Variants in KCNB2 observed in about 807,000 individuals in gnomAD.
KCNB2 encodes the protein potassium voltage-gated channel subfamily B member 2.
In KCNB2, 15 loss-of-function variants were observed where a neutral mutation model predicts 61.5. The observed-to-expected ratio is 0.24, with a 90% CI of 0.16 to 0.38. The LOEUF is 0.38. Among genes scored for constraint, KCNB2 ranks in the 10% least tolerant of loss-of-function variants. The pLI, the probability that KCNB2 is intolerant of heterozygous loss-of-function variation, is 1.00. For synonymous variants in KCNB2, 457 were observed against 446.0 expected, an observed-to-expected ratio of 1.02 and a Z score of -0.31; for missense variants, 828 against 1,125.2, an observed-to-expected ratio of 0.74 and a Z score of 3.78.
chr8:72,777,612 C>T (rs1190354441), intron 2 of KCNB2, among the ~76,000 whole-genome samples: 2 of 152,066 alleles, frequency 1.3e-5, no homozygotes, highest in African/African-American at 4.8e-5. Flanking sequence ...TCCAGAATCC[C>T]AGATGTTTAC....
At chr8:72,827,829 T>C (rs1809621330) in intron 2 of KCNB2, among the ~76,000 whole-genome samples, 1 of 151,318 alleles carries the variant, frequency 6.6e-6, no homozygotes, top group East Asian at 1.9e-4. Context: ...TTTTTTTTTT[T>C]TGAGATGGAG....
At chr8:72,695,502 A>T (rs1807004472) in intron 2 of KCNB2, among the ~76,000 whole-genome samples, 1 of 152,178 alleles carries the variant, frequency 6.6e-6, no homozygotes, top group Non-Finnish European at 1.5e-5. Context: ...GCTATCCAAG[A>T]TGACAGATTT....
Position 72,845,907 on chromosome 8 carries a change from A to T in KCNB2, c.580-90028A>T, listed in dbSNP as rs138627641. Among the ~76,000 whole-genome samples the T allele has an allele frequency of 2.4e-3, 364 of 151,122 alleles. 2 individuals are homozygous for T. Among genetic ancestry groups the T allele is most frequent in the African/African-American group, 6.0e-3 (245 of 41,128 alleles). ...GGGGTAGGATCCACTGAGCTAAACC[A>T]CTTGGTTCGCTGGCTTCAGCCACCT... On this transcript the variant is annotated intron_variant, in intron 2 of 2. Transcript: ENST00000523207.
chr8:72,550,160 AACTCTTG>A (rs1806322629), intron 1 of KCNB2, among the ~76,000 whole-genome samples: 1 of 152,234 alleles, frequency 6.6e-6, no homozygotes, highest in African/African-American at 2.4e-5. Flanking sequence ...TGAACTATTT[AACTCTTG>A]TTTGCCTCTG....
Position 72,846,188 on chromosome 8 carries a change from G to C in KCNB2, c.580-89747G>C, listed in dbSNP as rs184571613. Among the ~76,000 whole-genome samples the C allele has an allele frequency of 1.5e-3, 227 of 152,220 alleles. 1 individual carries two copies. The highest frequency in any genetic ancestry group is 5.0e-3 in the African/African-American group (209 of 41,528). Reference sequence around the variant, plus strand: ...GTCACAGTCCCTCACAGCTTCCCTTGGCTAGGAGAAGGAGTTCCTCCACCC... The same window carrying C: ...GTCACAGTCCCTCACAGCTTCCCTTCGCTAGGAGAAGGAGTTCCTCCACCC... On this transcript the variant is annotated intron_variant, in intron 2 of 2. Coordinates refer to ENST00000523207, the MANE Select transcript of KCNB2 (RefSeq NM_004770.3).
chr8:72,928,537 A>G (rs1480699223), intron 2 of KCNB2, among the ~76,000 whole-genome samples: 2 of 152,062 alleles, frequency 1.3e-5, no homozygotes, highest in South Asian at 4.1e-4. Flanking sequence ...TGTTGTATGT[A>G]TGTGTATGTG....
chr8:72,704,399 T>C (rs549356942), intron 2 of KCNB2, among the ~76,000 whole-genome samples: 2 of 152,242 alleles, frequency 1.3e-5, no homozygotes, highest in Admixed American at 1.3e-4. Flanking sequence ...TATTAAGGGC[T>C]ATTATTACCC....
chr8:72,712,368 C>G (rs983627478), intron 2 of KCNB2, among the ~76,000 whole-genome samples: 1 of 152,096 alleles, frequency 6.6e-6, no homozygotes, highest in Admixed American at 6.5e-5. Context: ...GGTTTCTTAC[C>G]CTCTTTTATC....
rs139542646 is a variant in KCNB2, at chr8:72,602,640, A to G, written c.579+34327A>G. 5.9e-5 allele frequency among the ~76,000 whole-genome samples: 9 copies of G among 152,276 alleles called. No individual in the cohort carries two copies. The East Asian group carries it at 1.7e-3, about 29-fold the overall frequency. On this transcript the variant is annotated intron_variant, in intron 2 of 2. Coordinates refer to ENST00000523207, the MANE Select transcript of KCNB2 (RefSeq NM_004770.3). ...TGGCTTCAGCAATAGCCATTTTACT[A>G]TGACTCACAATTTTATGGGTTGGGA...
At chr8:72,755,566 A>T (rs1446306471) in intron 2 of KCNB2, among the ~76,000 whole-genome samples, 1 of 152,218 alleles carries the variant, frequency 6.6e-6, no homozygotes, top group Non-Finnish European at 1.5e-5. Context: ...TTCAAGGAGG[A>T]TATATGAATG....
rs183029098 is a variant in KCNB2, at chr8:72,930,062, T to G, written c.580-5873T>G. Among the ~76,000 whole-genome samples, 203 of 151,452 alleles carry G rather than the reference T, an allele frequency of 1.3e-3. 1 individual carries two copies. The highest frequency in any genetic ancestry group is 4.5e-3 in the African/African-American group (185 of 41,286). ...AAAACATGCAATGTTTGGTTTTTTG[T>G]CCTTACAATAGTTTGCTGAGAATGA... On this transcript the variant is annotated intron_variant, in intron 2 of 2. Transcript: ENST00000523207.
intron 2 of KCNB2, among the ~76,000 whole-genome samples, chr8:72,811,204 G>T (rs1809301664): frequency 6.9e-6 from 1 of 145,000 alleles, no homozygotes. Context: ...ATTTTTAAAT[G>T]GCTTTTCCCA....
intron 2 of KCNB2, among the ~76,000 whole-genome samples, chr8:72,654,813 C>A (rs932484807): frequency 6.6e-6 from 1 of 152,046 alleles, no homozygotes; most frequent in Non-Finnish European, 1.5e-5. Flanking sequence ...ATACTGCTGA[C>A]GAGGTTACGG....
intron 2 of KCNB2, among the ~76,000 whole-genome samples, chr8:72,796,473 T>C (rs1397648426): frequency 6.6e-6 from 1 of 152,158 alleles, no homozygotes; most frequent in Non-Finnish European, 1.5e-5. Flanking sequence ...AAAAATAAAT[T>C]TATTTTATCA....
intron 2 of KCNB2, among the ~76,000 whole-genome samples, chr8:72,628,819 G>A (rs1036025253): frequency 2.0e-5 from 3 of 152,164 alleles, no homozygotes; most frequent in Non-Finnish European, 4.4e-5. Flanking sequence ...TCACTCTGAG[G>A]TTAAGGCCTT....
At chr8:72,764,112 G>C (rs1162114871) in intron 2 of KCNB2, among the ~76,000 whole-genome samples, 1 of 152,110 alleles carries the variant, frequency 6.6e-6, no homozygotes, top group Non-Finnish European at 1.5e-5. Flanking sequence ...GGTGAAAGTG[G>C]AAAGGAGGAC....
intron 2 of KCNB2, among the ~76,000 whole-genome samples, chr8:72,915,569 GA>G (rs765256676): frequency 1.3e-5 from 2 of 152,182 alleles, no homozygotes; most frequent in South Asian, 2.1e-4. Context: ...AACTGGGGGG[GA>G]AAACTTTAAT....
chr8:72,723,369 G>C (rs1256730236), intron 2 of KCNB2, among the ~76,000 whole-genome samples: 1 of 152,170 alleles, frequency 6.6e-6, no homozygotes, highest in Non-Finnish European at 1.5e-5. Flanking sequence ...ATTCTTAATA[G>C]TCACTAAAAA....
intron 2 of KCNB2, among the ~76,000 whole-genome samples, chr8:72,690,306 T>A (rs1309466811): frequency 1.3e-5 from 2 of 152,168 alleles, no homozygotes; most frequent in Non-Finnish European, 2.9e-5. Flanking sequence ...TCCATAATTA[T>A]TGTTTCCCAA....
Sources: gnomAD v4.1 joint callset for allele counts (sites outside exome capture counted in the v4.1 genomes callset) on GRCh38, gnomAD v4.1.1 for gene constraint, MANE v1.5 for transcripts, NCBI Gene and HGNC (gene_info 2026-07-23, HGNC 2026-07-21) for gene names.